POLQ: variants seen among roughly 807,000 people sequenced by gnomAD.
POLQ encodes epididymis secretory sperm binding protein.
Under a neutral mutation model 259.2 loss-of-function variants are expected in POLQ, and 233 were observed. The observed-to-expected ratio is 0.90, with a 90% CI of 0.81 to 1.00. POLQ has a LOEUF of 1.00. POLQ is among the 50% of genes least tolerant of loss of function. The pLI is 0.00. For synonymous variants in POLQ, 1,025 were observed against 1,048.8 expected, an observed-to-expected ratio of 0.98 and a Z score of 0.44; for missense variants, 2,871 against 3,051.6, an observed-to-expected ratio of 0.94 and a Z score of 1.39.
intron 7 of POLQ, among the ~76,000 whole-genome samples, chr3:121,522,798 G>A (rs1293685008): frequency 6.6e-6 from 1 of 152,106 alleles, no homozygotes; most frequent in African/African-American, 2.4e-5. Flanking sequence ...AACCTGCTGA[G>A]GAAGCAGAGT....
intron 28 of POLQ, among the ~76,000 whole-genome samples, chr3:121,435,004 A>AT (rs1560082406): frequency 1.3e-5 from 2 of 151,976 alleles, no homozygotes; most frequent in Non-Finnish European, 2.9e-5. Flanking sequence ...TAAAAAAAAA[A>AT]TTTTTTTAAA....
chr3:121,493,995 A>G (rs2048093300), intron 14 of POLQ: 3 of 603,770 alleles, frequency 5.0e-6, no homozygotes. Context: ...CAGAGCACAT[A>G]AACACAAAAC....
rs556489350 is a variant in POLQ, at chr3:121,467,988, G to A, written c.6845+317C>T. 1.1e-4 allele frequency among the ~76,000 whole-genome samples: 16 copies of A among 152,194 alleles called. No homozygotes were observed. The East Asian group carries it at 2.7e-3, about 26-fold the overall frequency. On this transcript the variant is annotated intron_variant, in intron 23 of 29. Coordinates refer to ENST00000264233, the MANE Select transcript of POLQ (RefSeq NM_199420.4). ...GTGGAGGTTGCAGTAAGCTGAGATC[G>A]CACCACTGCACTCCAGCCTGGGCAA...
Position 121,490,402 on chromosome 3 carries a change from C to A in POLQ, c.2529G>T (p.Arg843=). The part of the protein sequence containing the change: ...LKNAVPFKSA[R]KAVDEEEEAV... ...CTTCCTCTTCCTCATCCACTGCCTT[C>A]CGGGCACTACACAAGGAGATGGGAA... The change falls in exon 16 of 30, where the codon CGG becomes CGT. Residue 843 remains arginine, a synonymous_variant. Coordinates refer to ENST00000264233, the MANE Select transcript of POLQ (RefSeq NM_199420.4). 6.2e-7 allele frequency: 1 copy of A among 1,613,418 alleles called. No individual in the cohort carries two copies. The highest frequency in any genetic ancestry group is 8.5e-7 in the Non-Finnish European group (1 of 1,179,384).
At position 121,468,429 on chromosome 3, in the gene POLQ, G is replaced by A. The variant is rs369712134; in HGVS notation, c.6721C>T (p.Arg2241Ter). 1.5e-4 allele frequency: 246 copies of A among 1,604,278 alleles called. 1 individual carries two copies. Among genetic ancestry groups the A allele is most frequent in the Non-Finnish European group, 1.9e-4 (217 of 1,172,902 alleles). The change falls in exon 23 of 30, where the codon CGA becomes TGA. Residue 2241 changes from arginine (R) to a stop codon, truncating the protein, a stop_gained and splice_region_variant. Coordinates refer to ENST00000264233, the MANE Select transcript of POLQ (RefSeq NM_199420.4). LOFTEE classifies it high-confidence loss of function. ...ATATTTGGTTCTGTAAAGGTTATTC[G>A]TCCTAAAATCAAGCAGAATAAAGAC... ...PVSQSHTATG[R>*]ITFTEPNIQN...
At chr3:121,486,758 G>C (rs914904811) in intron 16 of POLQ, among the ~76,000 whole-genome samples, 3 of 151,954 alleles carry the variant, frequency 2.0e-5, no homozygotes, top group Non-Finnish European at 4.4e-5. Context: ...AGCTACTTGG[G>C]AGGCTGAGGC....
At chr3:121,538,888 T>C (rs2048469147) in intron 4 of POLQ, among the ~76,000 whole-genome samples, 1 of 152,168 alleles carries the variant, frequency 6.6e-6, no homozygotes. Context: ...GCTGCTGCAA[T>C]CCTTCTATTC....
chr3:121,521,058 C>A (rs927860555), intron 8 of POLQ, among the ~76,000 whole-genome samples: 2 of 152,106 alleles, frequency 1.3e-5, no homozygotes, highest in Non-Finnish European at 2.9e-5. Context: ...AAATTACATA[C>A]AATGTAAATT....
intron 9 of POLQ, among the ~76,000 whole-genome samples, chr3:121,516,414 G>A (rs1343477341): frequency 6.6e-6 from 1 of 152,112 alleles, no homozygotes; most frequent in East Asian, 1.9e-4. Flanking sequence ...GCCACTTTGG[G>A]CTGTTTAAAG....
intron 9 of POLQ, among the ~76,000 whole-genome samples, chr3:121,519,489 C>T (rs2048322776): frequency 1.3e-5 from 2 of 149,392 alleles, no homozygotes; most frequent in African/African-American, 4.9e-5. Context: ...TCCTGGCTAA[C>T]ATGGTGAGAC....
In POLQ at chr3:121,489,082, C is replaced by A. The variant is rs1380393118; in HGVS notation, c.3849G>T (p.Glu1283Asp). The A allele has an allele frequency of 1.9e-6, 3 of 1,613,384 alleles. No homozygotes were observed. The highest frequency in any genetic ancestry group is 1.7e-5 in the Admixed American group (1 of 59,982). The part of the protein sequence containing the change: ...GAFSKSEGQH[E>D]NFLNISRLQE... ...GTAGTCTAGAAATATTTAGAAAATTCTCATGCTGGCCTTCTGATTTGCTAA... is the reference window on the plus strand; with the variant it reads ...GTAGTCTAGAAATATTTAGAAAATTATCATGCTGGCCTTCTGATTTGCTAA... The change falls in exon 16 of 30, where the codon GAG (glutamate) becomes GAT (aspartate). Residue 1283 changes from glutamate (E) to aspartate (D), a missense_variant. This residue lies in a region of POLQ where 2,080 missense variants were observed against 2,126.0 expected (regional missense o/e 0.98). Coordinates refer to ENST00000264233, the MANE Select transcript of POLQ (RefSeq NM_199420.4).
At chr3:121,473,926 C>T (rs1310186283) in intron 20 of POLQ, among the ~76,000 whole-genome samples, 1 of 152,008 alleles carries the variant, frequency 6.6e-6, no homozygotes, top group African/African-American at 2.4e-5. Flanking sequence ...AGGATTTCGC[C>T]ATGTTGGCCA....
In POLQ at chr3:121,467,411, G is replaced by A. The variant is rs895602115; in HGVS notation, c.6967+108C>T. The A allele has an allele frequency of 4.8e-6, 5 of 1,051,894 alleles. No individual in the cohort carries two copies. In the African/African-American group the frequency reaches 7.9e-5, roughly 17 times the overall value. 65.2% of individuals were successfully genotyped at this position (1,051,894 alleles called of 1,614,324 possible). A position where few individuals can be genotyped will look rare whatever the true frequency, so the allele number is the denominator to read the frequency against. On this transcript the variant is annotated intron_variant, in intron 24 of 29. Transcript: ENST00000264233. ...CAGGCTCCACCGTAGACAGAAAGAT[G>A]GAGGGACCAATGCATGCTCTAAGTC...
At position 121,541,458 on chromosome 3, in the gene POLQ, G is replaced by A; in HGVS notation, c.365C>T (p.Thr122Ile). 1.9e-6 allele frequency: 3 copies of A among 1,609,486 alleles called. No individual in the cohort carries two copies. The highest frequency in any genetic ancestry group is 2.5e-6 in the Non-Finnish European group (3 of 1,178,100). Reference sequence around the variant, plus strand: ...CAAAATAAGTAATTCTGCCACAAGAGTCTTCCCAGCACTTGTAGGAGCTAA... The same window carrying A: ...CAAAATAAGTAATTCTGCCACAAGAATCTTCCCAGCACTTGTAGGAGCTAA... ...VYSAPTSAGK[T>I]LVAELLILKR... is the part of the protein sequence containing the mutation. Residue 122 changes from threonine to isoleucine, a missense_variant, in exon 3 of 30, where the codon ACT becomes ATT. Thr to Ile is a moderately conservative substitution (Grantham distance 89). This residue lies in a region of POLQ where 783 missense variants were observed against 906.2 expected (regional missense o/e 0.86). Transcript: ENST00000264233.
At chr3:121,482,657 T>A (rs1289001205) in intron 18 of POLQ, among the ~76,000 whole-genome samples, 4 of 152,118 alleles carry the variant, frequency 2.6e-5, no homozygotes, top group Non-Finnish European at 5.9e-5. Context: ...TTGATTGCTA[T>A]TTCCAACTTC....
rs368277304 is a variant in POLQ, at chr3:121,519,877, T to C, written c.1462A>G (p.Thr488Ala). The C allele has an allele frequency of 6.6e-7, 1 of 1,520,256 alleles. No individual in the cohort carries two copies. Among genetic ancestry groups the C allele is most frequent in the Non-Finnish European group, 9.1e-7 (1 of 1,094,578 alleles). 94.2% of individuals were successfully genotyped at this position (1,520,256 alleles called of 1,614,324 possible). Residue 488 changes from threonine to alanine, a missense_variant, in exon 9 of 30, where the codon ACA becomes GCA. By Grantham distance (58) the Thr-to-Ala change is moderately conservative. Transcript: ENST00000264233. ...TAAATTCAAACTCACTTACCTACTG[T>C]GTCCACTCCTTTCCTGCCAGCACGG... Reference protein sequence around the residue: ...VGRAGRKGVDTVGESILICKN... With the variant: ...VGRAGRKGVDAVGESILICKN...
rs751763795 is a variant in POLQ at position 121,488,944 on chromosome 3, C to A, written c.3987G>T (p.Glu1329Asp). The change falls in exon 16 of 30, where the codon GAG becomes GAT. Residue 1329 changes from glutamate (E) to aspartate (D), a missense_variant. Around this residue, in one of 3 missense-constraint regions of POLQ, gnomAD observed 2,080 missense variants for 2,126.0 expected, o/e 0.98. Transcript: ENST00000264233. Reference protein sequence around the residue: ...EDSFYLDTQSEKIIQQMATEN... With the variant: ...EDSFYLDTQSDKIIQQMATEN... ...CAGTTGCCATCTGTTGTATTATTTT[C>A]TCTGACTGAGTATCCAGATAGAAAC... 1.2e-6 allele frequency: 2 copies of A among 1,614,000 alleles called. No homozygotes were observed. Among genetic ancestry groups the A allele is most frequent in the Non-Finnish European group, 1.7e-6 (2 of 1,179,974 alleles).
At chr3:121,496,778 A>C (rs367942423) in intron 14 of POLQ, 30 bp downstream of exon 14, 4 of 1,587,546 alleles carry the variant, frequency 2.5e-6, no homozygotes, top group Non-Finnish European at 3.4e-6. Context: ...CACAGTATTA[A>C]ATAAATGTGA....
chr3:121,458,195 T>C (rs2047758817), intron 25 of POLQ, among the ~76,000 whole-genome samples: 1 of 151,672 alleles, frequency 6.6e-6, no homozygotes, highest in African/African-American at 2.4e-5. Flanking sequence ...TGAGAACACA[T>C]GGACACAGGA....
Sources: allele counts gnomAD v4.1 joint callset (sites outside exome capture counted in the v4.1 genomes callset), GRCh38; gene constraint gnomAD v4.1.1; regional missense constraint gnomAD v4.1.1; transcripts MANE v1.5; gene names NCBI Gene and HGNC (gene_info 2026-07-23, HGNC 2026-07-21).